The following STAC variants were observed in gnomAD, a reference collection of about 807,000 sequenced individuals.
STAC encodes the protein SH3 and cysteine rich domain.
In STAC, 43 loss-of-function variants were observed where a neutral mutation model predicts 48.8. That is an observed-to-expected ratio of 0.88 (90% CI 0.69 to 1.14). The LOEUF (loss-of-function observed/expected upper bound fraction) is 1.14. STAC is among the 50% of genes most tolerant of loss of function. The probability of loss-of-function intolerance (pLI) is 0.00; values close to 1 mark genes in which losing one functional copy is unlikely to be tolerated. For missense variants in STAC, 497 were observed against 504.0 expected (o/e 0.99, Z 0.13); for synonymous variants, 193 against 179.5 (o/e 1.07, Z -0.60).
intron 1 of STAC, among the ~76,000 whole-genome samples, chr3:36,427,355 C>T (rs1047465667): frequency 7.2e-5 from 11 of 152,198 alleles, no homozygotes; most frequent in Admixed American, 3.9e-4. Context: ...ACCAGGATTG[C>T]CACAGGCCCC....
intron 2 of STAC, among the ~76,000 whole-genome samples, chr3:36,448,952 A>C (rs946129510): frequency 6.6e-6 from 1 of 151,034 alleles, no homozygotes; most frequent in African/African-American, 2.4e-5. Context: ...AAAATGAGTA[A>C]AATTAAATAG....
At chr3:36,541,904 A>AT (rs1395125992) in intron 10 of STAC, among the ~76,000 whole-genome samples, 2 of 152,158 alleles carry the variant, frequency 1.3e-5, no homozygotes, top group African/African-American at 4.8e-5. Flanking sequence ...CATGATGCTC[A>AT]TGTCAACAAG....
intron 1 of STAC, among the ~76,000 whole-genome samples, chr3:36,425,161 A>G (rs1046475219): frequency 6.6e-6 from 1 of 152,196 alleles, no homozygotes; most frequent in African/African-American, 2.4e-5. Flanking sequence ...GAAAGAGGTA[A>G]CTTTACAGTG....
Position 36,498,945 on chromosome 3 carries a change from T to C in STAC, c.767-5448T>C, listed in dbSNP as rs1311907658. ...AATGCAGTATAAAAGACTGATTACC[T>C]ACAAAGAAATGAAAATTAGACTGTT... On this transcript the variant is annotated intron_variant, in intron 6 of 10. Transcript: ENST00000273183. Among the ~76,000 whole-genome samples the C allele has an allele frequency of 3.9e-5, 6 of 152,306 alleles. No individual in the cohort carries two copies. The East Asian group carries it at 9.6e-4, about 24-fold the overall frequency.
At chr3:36,424,804 A>G (rs1334724554) in intron 1 of STAC, among the ~76,000 whole-genome samples, 2 of 152,190 alleles carry the variant, frequency 1.3e-5, no homozygotes, top group Non-Finnish European at 2.9e-5. Context: ...CAAAATAAAT[A>G]ATGATAATGA....
In STAC at chr3:36,430,002, G is replaced by T. The variant is rs183031437; in HGVS notation, c.112-13362G>T. On this transcript the variant is annotated intron_variant, in intron 1 of 10. Transcript: ENST00000273183. ...TAGCCTTGGTTACTGGTAGAAAATG[G>T]GGTTCAAGATGAGAGAAGGGAGGAC... 2.6e-5 allele frequency among the ~76,000 whole-genome samples: 4 copies of T among 152,228 alleles called. No individual in the cohort carries two copies. The East Asian group carries it at 7.7e-4, about 29-fold the overall frequency.
chr3:36,509,123 G>A (rs976916808), intron 8 of STAC, among the ~76,000 whole-genome samples: 61 of 152,124 alleles, frequency 4.0e-4, no homozygotes, highest in African/African-American at 1.4e-3. Flanking sequence ...TGGTGACAGA[G>A]TCTCTCAGCA....
At chr3:36,440,940 A>G (rs761643927) in intron 1 of STAC, among the ~76,000 whole-genome samples, 2 of 152,160 alleles carry the variant, frequency 1.3e-5, no homozygotes, top group African/African-American at 2.4e-5. Context: ...TCTCTTTTTA[A>G]ATTACTTTTA....
chr3:36,496,660 C>G (rs948859735), intron 6 of STAC, among the ~76,000 whole-genome samples: 1 of 152,200 alleles, frequency 6.6e-6, no homozygotes, highest in African/African-American at 2.4e-5. Flanking sequence ...GTTTTGAACA[C>G]TATTCCTGGA....
At chr3:36,497,345 T>G (rs940861676) in intron 6 of STAC, among the ~76,000 whole-genome samples, 5 of 152,080 alleles carry the variant, frequency 3.3e-5, no homozygotes, top group Non-Finnish European at 7.4e-5. Flanking sequence ...CCTAAAACTG[T>G]TAAGAGAAAG....
At chr3:36,433,324 T>A (rs1395028021) in intron 1 of STAC, among the ~76,000 whole-genome samples, 1 of 152,152 alleles carries the variant, frequency 6.6e-6, no homozygotes, top group Non-Finnish European at 1.5e-5. Context: ...CTAGAAATAA[T>A]ACTGGACAGG....
chr3:36,467,239 G>T (rs1244615805), intron 2 of STAC, among the ~76,000 whole-genome samples: 1 of 151,872 alleles, frequency 6.6e-6, no homozygotes, highest in Admixed American at 6.6e-5. Context: ...TGTTGGATCT[G>T]GTTCACTAGT....
chr3:36,380,683 G>A lies in STAC; in HGVS notation c.40G>A (p.Gly14Arg), dbSNP rs1294345012. 2.5e-6 allele frequency: 4 copies of A among 1,609,018 alleles called. No individual in the cohort carries two copies. Among genetic ancestry groups the A allele is most frequent in the Admixed American group, 3.4e-5 (2 of 59,640 alleles). ...CAGCCCCCGCGAGGACGGCGTGGAC[G>A]GGCTGCCCAAGGAGGCGGTGGGCGC... ...PSSPREDGVD[G>R]LPKEAVGAEQ... Residue 14 changes from glycine to arginine, a missense_variant, in exon 1 of 11, where the codon GGG becomes AGG. Coordinates refer to ENST00000273183, the MANE Select transcript of STAC (RefSeq NM_003149.3).
intron 2 of STAC, among the ~76,000 whole-genome samples, chr3:36,446,696 A>C (rs1190459128): frequency 6.6e-6 from 1 of 152,240 alleles, no homozygotes; most frequent in Non-Finnish European, 1.5e-5. Flanking sequence ...ACTTCATCAA[A>C]TAAGGAGATG....
intron 1 of STAC, among the ~76,000 whole-genome samples, chr3:36,416,879 A>C (rs1700331760): frequency 6.6e-6 from 1 of 152,186 alleles, no homozygotes; most frequent in South Asian, 2.1e-4. Context: ...GTAATGCACC[A>C]AAGAGCAGGC....
intron 2 of STAC, among the ~76,000 whole-genome samples, chr3:36,458,324 G>C (rs1696907611): frequency 6.6e-6 from 1 of 152,112 alleles, no homozygotes; most frequent in African/African-American, 2.4e-5. Context: ...AGAAAATTTT[G>C]TAACTATTGA....
At chr3:36,537,995 C>G (rs1699238988) in intron 10 of STAC, among the ~76,000 whole-genome samples, 1 of 151,288 alleles carries the variant, frequency 6.6e-6, no homozygotes, top group Non-Finnish European at 1.5e-5. Context: ...AACCAAAATG[C>G]ATTTATTTTG....
At chr3:36,492,022 AAAAAAAAAAATATATATAT>A (rs1241617493) in intron 5 of STAC, among the ~76,000 whole-genome samples, 5 of 42,552 alleles carry the variant, frequency 1.2e-4, no homozygotes, top group Admixed American at 3.6e-4. Context: ...AAAAAAAAAA[AAAAAAAAAAATATATATAT>A]ATATATATAT....
At chr3:36,492,066 A>ATATATG (rs1698001323) in intron 5 of STAC, among the ~76,000 whole-genome samples, 3 of 104,498 alleles carry the variant, frequency 2.9e-5, no homozygotes, top group African/African-American at 7.1e-5. Flanking sequence ...ATATATATAT[A>ATATATG]TGTGACTGTC....
Sources: allele counts gnomAD v4.1 joint callset (sites outside exome capture counted in the v4.1 genomes callset), GRCh38; gene constraint gnomAD v4.1.1; transcripts MANE v1.5; gene names NCBI Gene and HGNC (gene_info 2026-07-23, HGNC 2026-07-21).